The following RBBP8 variants were observed in gnomAD, a reference collection of about 807,000 sequenced individuals.
RBBP8 encodes the protein RB binding protein 8, endonuclease, also known as DNA endonuclease RBBP8.
RBBP8 carries 88 observed loss-of-function variants against 108.3 expected under a neutral mutation model. The observed-to-expected ratio is 0.81, with a 90% CI of 0.68 to 0.97. The LOEUF (loss-of-function observed/expected upper bound fraction) is 0.97, where lower values mean the gene tolerates loss of function less well. Ranked by LOEUF, RBBP8 falls within the 50% of genes least tolerant of loss-of-function variation. RBBP8 has a pLI of 0.00. For synonymous variants in RBBP8, 332 were observed against 348.2 expected, an observed-to-expected ratio of 0.95 and a Z score of 0.52; for missense variants, 1,023 against 1,049.0, an observed-to-expected ratio of 0.98 and a Z score of 0.34.
chr18:23,012,983 T>A (rs868567774), intron 16 of RBBP8, among the ~76,000 whole-genome samples: 10 of 152,298 alleles, frequency 6.6e-5, no homozygotes, highest in African/African-American at 2.4e-4. Flanking sequence ...CTGCTGTGCC[T>A]GTGCTTTAGA....
At chr18:22,942,534 A>G (rs959154525) in intron 2 of RBBP8, among the ~76,000 whole-genome samples, 3 of 152,064 alleles carry the variant, frequency 2.0e-5, no homozygotes, top group African/African-American at 7.3e-5. Context: ...GACATTTATG[A>G]CCGAGTTTTT....
In RBBP8 at chr18:22,978,443, CAAAG is replaced by C. The variant is rs971607610; in HGVS notation, c.428+3225_428+3228del. ...GGAGTTTTGTTTTTTCCTTTTATGA[CAAAG>C]GAAGACAAAGCCAGCACTCATTTAC... On this transcript the variant is annotated intron_variant, in intron 6 of 18. Coordinates refer to ENST00000327155, the MANE Select transcript of RBBP8 (RefSeq NM_002894.3). Among the ~76,000 whole-genome samples, 18 of 151,638 alleles carry C rather than the reference CAAAG, an allele frequency of 1.2e-4. 1 individual carries two copies. Among genetic ancestry groups the C allele is most frequent in the Admixed American group, 6.6e-5 (1 of 15,226 alleles).
At chr18:22,920,402 T>C (rs1336296396) in intron 3 of RBBP8, among the ~76,000 whole-genome samples, 1 of 152,220 alleles carries the variant, frequency 6.6e-6, no homozygotes, top group Non-Finnish European at 1.5e-5. Context: ...TAACAGTTCA[T>C]TGTGTTAAAG....
upstream of RBBP8, among the ~76,000 whole-genome samples, chr18:22,931,141 G>C (rs1290015717): frequency 6.6e-6 from 1 of 152,086 alleles, no homozygotes; most frequent in African/African-American, 2.4e-5. Context: ...AAGATGGGGA[G>C]GTTACATGGT....
chr18:23,003,249 C>T (rs2045977583), intron 15 of RBBP8, among the ~76,000 whole-genome samples: 1 of 152,190 alleles, frequency 6.6e-6, no homozygotes, highest in Non-Finnish European at 1.5e-5. Flanking sequence ...CTGTGAGATA[C>T]TTTTGCGTCT....
intron 16 of RBBP8, 115 bp downstream of exon 16, chr18:23,006,547 G>A: frequency 1.1e-6 from 1 of 918,562 alleles, no homozygotes. Flanking sequence ...TGTCACCCAG[G>A]CTAGAGTGCA....
rs4471804 is a variant in RBBP8 at position 22,996,218 on chromosome 18, G to T, written c.1940-156G>T. On this transcript the variant is annotated intron_variant, in intron 12 of 18. Coordinates refer to ENST00000327155, the MANE Select transcript of RBBP8 (RefSeq NM_002894.3). The stretch of plus-strand genomic sequence containing the variant: ...ATTGGGATATTTGTCTTTTTATTAT[G>T]GAGCTGTGAGAGTTCTTTATATATC... Among the ~76,000 whole-genome samples the T allele has an allele frequency of 0.51, 77,795 of 152,048 alleles. 23,177 individuals carry two copies. Among genetic ancestry groups the T allele is most frequent in the African/African-American group, 0.84 (34,805 of 41,516 alleles).
intron 7 of RBBP8, among the ~76,000 whole-genome samples, chr18:22,983,916 C>G (rs1915132992): frequency 6.6e-6 from 1 of 152,216 alleles, no homozygotes; most frequent in African/African-American, 2.4e-5. Context: ...CCTGTATGTA[C>G]TAAAAATATA....
At chr18:22,983,689 T>C (rs146837515) in intron 7 of RBBP8, among the ~76,000 whole-genome samples, 27 of 152,382 alleles carry the variant, frequency 1.8e-4, no homozygotes, top group Admixed American at 9.8e-4. Flanking sequence ...TTTAGAAATT[T>C]AATTCACTTG....
chr18:22,973,161 A>C (rs936206730), intron 5 of RBBP8, among the ~76,000 whole-genome samples: 1 of 152,216 alleles, frequency 6.6e-6, no homozygotes, highest in Non-Finnish European at 1.5e-5. Flanking sequence ...TTTGTGGGCC[A>C]TGTTGCCTCT....
Position 22,991,043 on chromosome 18 carries a change from G to C in RBBP8, c.914G>C (p.Ser305Thr). The change falls in exon 10 of 19, where the codon AGT (serine) becomes ACT (threonine). Residue 305 changes from serine (S) to threonine (T), a missense_variant. Physicochemically the swap from Ser to Thr is moderately conservative, Grantham distance 58. Coordinates refer to ENST00000327155, the MANE Select transcript of RBBP8 (RefSeq NM_002894.3). ...FEESTRNTED[S>T]LRFSDSTSKT... ...GAATCTACAAGAAATACTGAAGATA[G>C]TTTAAGGTAATTAAGGGCACGTTGG... The C allele has an allele frequency of 1.2e-6, 2 of 1,607,310 alleles. No individual in the cohort carries two copies. Among genetic ancestry groups the C allele is most frequent in the Non-Finnish European group, 1.7e-6 (2 of 1,174,448 alleles).
rs747338579 is a variant in RBBP8 at position 22,968,826 on chromosome 18, A to G, written c.269A>G (p.Asp90Gly). 6.2e-7 allele frequency: 1 copy of G among 1,613,456 alleles called. No homozygotes were observed. The highest frequency in any genetic ancestry group is 1.1e-5 in the South Asian group (1 of 91,066). ...LEDRLRAGLC[D>G]RCAVTEEHMR... ...CATAGGTTAAGAGCAGGCTTATGTGATCGCTGTGCAGTAACTGAAGAACAT... is the reference window on the plus strand; with the variant it reads ...CATAGGTTAAGAGCAGGCTTATGTGGTCGCTGTGCAGTAACTGAAGAACAT... Residue 90 changes from aspartate to glycine, a missense_variant, in exon 5 of 19, where the codon GAT becomes GGT. Physicochemically the swap from Asp to Gly is moderately conservative, Grantham distance 94. Coordinates refer to ENST00000327155, the MANE Select transcript of RBBP8 (RefSeq NM_002894.3).
chr18:22,975,426 TAATTAA>T (rs1914430600), intron 6 of RBBP8, among the ~76,000 whole-genome samples: 1 of 152,098 alleles, frequency 6.6e-6, no homozygotes, highest in Non-Finnish European at 1.5e-5. Flanking sequence ...GTCAACATTG[TAATTAA>T]AACATTTTAA....
In RBBP8 at chr18:22,971,802, C is replaced by T. The variant is rs1035843691; in HGVS notation, c.361+2884C>T. 4.0e-5 allele frequency among the ~76,000 whole-genome samples: 6 copies of T among 151,474 alleles called. No homozygotes were observed. In the South Asian group the frequency reaches 6.3e-4, roughly 16 times the overall value. On this transcript the variant is annotated intron_variant, in intron 5 of 18. Transcript: ENST00000327155. ...CTGGGATTACAGGCGCCCACCACCA[C>T]GCCCAGCTAATTTTTTGTATTTTTA...
intron 14 of RBBP8, among the ~76,000 whole-genome samples, chr18:22,998,432 G>A (rs79942384): frequency 3.9e-5 from 6 of 152,244 alleles, no homozygotes; most frequent in East Asian, 3.9e-4. Context: ...TTGATTTTCC[G>A]GAAGAGATGA....
At chr18:23,000,661 G>C (rs889306450) in intron 14 of RBBP8, among the ~76,000 whole-genome samples, 2 of 150,630 alleles carry the variant, frequency 1.3e-5, no homozygotes, top group Non-Finnish European at 2.9e-5. Flanking sequence ...AGGATTGCTT[G>C]AACCCAGGAG....
At chr18:22,928,945 T>C (rs151184340), upstream of RBBP8, among the ~76,000 whole-genome samples, 1,565 of 152,254 alleles carry the variant, frequency 0.01, 25 homozygotes, top group African/African-American at 0.035. Flanking sequence ...GCAGGGATTA[T>C]AGGCGTAAGC....
At chr18:23,001,844 C>A (rs985755253) in intron 15 of RBBP8, 115 bp downstream of exon 15, 5 of 1,368,094 alleles carry the variant, frequency 3.7e-6, no homozygotes, top group Non-Finnish European at 5.0e-6. Flanking sequence ...TTTCATATTT[C>A]TTGTATAAAT....
chr18:22,974,110 A>C (rs1347661785), intron 5 of RBBP8, among the ~76,000 whole-genome samples: 3 of 152,226 alleles, frequency 2.0e-5, no homozygotes, highest in Non-Finnish European at 4.4e-5. Flanking sequence ...GAGTACAATT[A>C]ACCTTCTTTG....
Sources: allele counts gnomAD v4.1 joint callset (sites outside exome capture counted in the v4.1 genomes callset), GRCh38; gene constraint gnomAD v4.1.1; transcripts MANE v1.5; gene names NCBI Gene and HGNC (gene_info 2026-07-23, HGNC 2026-07-21).